Variants in ZNF792 observed in about 807,000 individuals in gnomAD.
The protein encoded by ZNF792 is zinc finger protein 792.
Under a neutral mutation model 13.1 loss-of-function variants are expected in ZNF792, and 14 were observed. The observed-to-expected ratio is 1.07, with a 90% CI of 0.71 to 1.67. The LOEUF (loss-of-function observed/expected upper bound fraction) is 1.67. ZNF792 is among the 40% of genes most tolerant of loss of function. The pLI is 0.00. For missense variants in ZNF792, 740 were observed against 807.9 expected (o/e 0.92, Z 1.02); for synonymous variants, 257 against 292.0 (o/e 0.88, Z 1.22).
Position 34,958,294 on chromosome 19 carries a change from G to A in ZNF792, c.1561C>T (p.Leu521Phe), listed in dbSNP as rs773238016. 1.2e-6 allele frequency: 2 copies of A among 1,613,604 alleles called. No homozygotes were observed. Among genetic ancestry groups the A allele is most frequent in the Admixed American group, 1.7e-5 (1 of 59,986 alleles). ...GTGTGAAGTCTCCGGTGGTTATTGA[G>A]GCTGGAGCTTTGGTTAAAGAATTTC... ...CGKFFNQSSSLNNHRRLHTGE... is the reference protein window; with the variant it reads ...CGKFFNQSSSFNNHRRLHTGE... The change falls in exon 4 of 4, where the codon CTC (leucine) becomes TTC (phenylalanine). Residue 521 changes from leucine to phenylalanine, a missense_variant. Coordinates refer to ENST00000404801, the MANE Select transcript of ZNF792 (RefSeq NM_175872.5).
In ZNF792 at chr19:34,962,813, G is replaced by T. The variant is rs956645039; in HGVS notation, c.33+817C>A. Among the ~76,000 whole-genome samples, 7 of 152,046 alleles carry T rather than the reference G, an allele frequency of 4.6e-5. No individual in the cohort carries two copies. In the South Asian group the frequency reaches 1.5e-3, roughly 32 times the overall value. Reference sequence around the variant, plus strand: ...GCCCACTCTTCAACTCCATTTGGGGGTCTCTGGGACATCACAGGCTCAACT... The same window carrying T: ...GCCCACTCTTCAACTCCATTTGGGGTTCTCTGGGACATCACAGGCTCAACT... On this transcript the variant is annotated intron_variant, in intron 1 of 3. Coordinates refer to ENST00000404801, the MANE Select transcript of ZNF792 (RefSeq NM_175872.5).
intron 1 of ZNF792, among the ~76,000 whole-genome samples, chr19:34,962,115 C>T (rs917018352): frequency 6.6e-6 from 1 of 152,066 alleles, no homozygotes; most frequent in African/African-American, 2.4e-5. Context: ...TCCAGCCCCA[C>T]CTTCCTCTTT....
chr19:34,960,234 C>T lies in ZNF792; in HGVS notation c.283+1G>A. ...CTCCCCTAGCTCCCATCGCTGCTTA[C>T]CAGAGCCAGGCCTGCCATAAGCCCC... On this transcript the variant is annotated splice_donor_variant, in intron 3 of 3. Coordinates refer to ENST00000404801, the MANE Select transcript of ZNF792 (RefSeq NM_175872.5). LOFTEE classifies it high-confidence loss of function. The T allele has an allele frequency of 1.2e-6, 2 of 1,613,546 alleles. No individual in the cohort carries two copies. The highest frequency in any genetic ancestry group is 1.7e-6 in the Non-Finnish European group (2 of 1,179,526).
chr19:34,961,032 C>T, intron 1 of ZNF792, 38 bp from the exon 2 acceptor site: 1 of 1,591,274 alleles, frequency 6.3e-7, no homozygotes, highest in Non-Finnish European at 8.6e-7. Context: ...TGATCAGTCT[C>T]TGTCCTTGGG....
Position 34,958,760 on chromosome 19 carries a change from T to A in ZNF792, c.1095A>T (p.Pro365=). 1.9e-6 allele frequency: 3 copies of A among 1,613,646 alleles called. No homozygotes were observed. The highest frequency in any genetic ancestry group is 2.5e-6 in the Non-Finnish European group (3 of 1,179,870). ...ACTTCCCACAGTCGCTGCACTCATA[T>A]GGCTTTTCACCAGTGTGAACCCTCT... is the stretch of plus-strand genomic sequence containing the variant. ...QHKRVHTGEK[P]YECSDCGKFF... The change falls in exon 4 of 4, where the codon CCA becomes CCT. Residue 365 remains proline, a synonymous_variant. Coordinates refer to ENST00000404801, the MANE Select transcript of ZNF792 (RefSeq NM_175872.5).
chr19:34,962,979 C>T (rs1227373540), intron 1 of ZNF792, among the ~76,000 whole-genome samples: 1 of 152,288 alleles, frequency 6.6e-6, no homozygotes, highest in East Asian at 1.9e-4. Context: ...AAAATTTGGT[C>T]AGCTTGACTT....
chr19:34,960,677 G>A (rs1013604674), intron 2 of ZNF792, 191 bp downstream of exon 2: 23 of 875,834 alleles, frequency 2.6e-5, no homozygotes, highest in Non-Finnish European at 3.5e-5. Context: ...GGCAGCAGGT[G>A]TGGGGGCAGC....
chr19:34,959,140 C>T lies in ZNF792; in HGVS notation c.715G>A (p.Glu239Lys), dbSNP rs776640565. The T allele has an allele frequency of 6.8e-6, 11 of 1,613,690 alleles. No homozygotes were observed. The highest frequency in any genetic ancestry group is 4.4e-5 in the South Asian group (4 of 91,088). ...EVTPSDGEPH[E>K]ATEGVVDFHI... Reference sequence around the variant, plus strand: ...AAATCCACCACACCTTCGGTGGCCTCGTGCGGCTCCCCATCGCTGGGAGTG... The same window carrying T: ...AAATCCACCACACCTTCGGTGGCCTTGTGCGGCTCCCCATCGCTGGGAGTG... The change falls in exon 4 of 4, where the codon GAG becomes AAG. Residue 239 changes from glutamate (E) to lysine (K), a missense_variant. Physicochemically the swap from Glu to Lys is moderately conservative, Grantham distance 56 (BLOSUM62 1). Coordinates refer to ENST00000404801, the MANE Select transcript of ZNF792 (RefSeq NM_175872.5).
Position 34,960,975 on chromosome 19 carries a change from T to C in ZNF792, c.53A>G (p.Asp18Gly). Reference protein sequence around the residue: ...DPAQGCVTFEDVTIYFSQEEW... With the variant: ...DPAQGCVTFEGVTIYFSQEEW... ...CTCCTGGGAGAAGTAAATGGTCACGTCCTCAAAGGTCACGCAGCCCTGCCA... is the reference window on the plus strand; with the variant it reads ...CTCCTGGGAGAAGTAAATGGTCACGCCCTCAAAGGTCACGCAGCCCTGCCA... Residue 18 changes from aspartate (D) to glycine (G), a missense_variant, in exon 2 of 4, where the codon GAC becomes GGC. By Grantham distance (94) the Asp-to-Gly change is moderately conservative. Transcript: ENST00000404801. 6.2e-7 allele frequency: 1 copy of C among 1,613,640 alleles called. No homozygotes were observed. Among genetic ancestry groups the C allele is most frequent in the Non-Finnish European group, 8.5e-7 (1 of 1,179,728 alleles).
Position 34,958,169 on chromosome 19 carries a change from G to GT in ZNF792, c.1685dup (p.Tyr562Ter). The GT allele has an allele frequency of 6.2e-7, 1 of 1,611,830 alleles. No individual in the cohort carries two copies. The highest frequency in any genetic ancestry group is 8.5e-7 in the Non-Finnish European group (1 of 1,178,154). The change falls in exon 4 of 4, where the codon TAC (tyrosine) becomes TAAC (stop). Residue 562 changes from tyrosine to a stop codon, truncating the protein, a stop_gained and frameshift_variant. Coordinates refer to ENST00000404801, the MANE Select transcript of ZNF792 (RefSeq NM_175872.5). LOFTEE classifies it low-confidence loss of function (END_TRUNC). The part of the protein sequence containing the change: ...HLKVHKPDRP[Y>*]ECSECGKAFN... ...AGGCTTTCCCACATTCGCTGCATTC[G>GT]TAAGGCCTGTCTGGTTTGTGAACTT... is the stretch of plus-strand genomic sequence containing the variant.
In ZNF792 at chr19:34,957,208, C is replaced by T. The variant is rs1466505432; in HGVS notation, c.*748G>A. On this transcript the variant is annotated 3_prime_UTR_variant, in exon 4 of 4. Coordinates refer to ENST00000404801, the MANE Select transcript of ZNF792 (RefSeq NM_175872.5). Reference sequence around the variant, plus strand: ...CCCCCTGGGAATAAGGGACCCAATTCATGCTGTTCCCACATGCACTGGAGG... The same window carrying T: ...CCCCCTGGGAATAAGGGACCCAATTTATGCTGTTCCCACATGCACTGGAGG... The T allele has an allele frequency of 6.6e-6, 1 of 152,270 alleles. No homozygotes were observed. The highest frequency in any genetic ancestry group is 2.4e-5 in the African/African-American group (1 of 41,466). 9.4% of individuals were successfully genotyped at this position (152,270 alleles called of 1,614,324 possible).
rs1225653322 is a variant in ZNF792 at position 34,959,209 on chromosome 19, C to T, written c.646G>A (p.Gly216Arg). The T allele has an allele frequency of 6.2e-7, 1 of 1,614,036 alleles. No individual in the cohort carries two copies. Among genetic ancestry groups the T allele is most frequent in the East Asian group, 2.2e-5 (1 of 44,868 alleles). Reference protein sequence around the residue: ...SDQLSTCREGGKDFVATAGFL... With the variant: ...SDQLSTCREGRKDFVATAGFL... ...CCTGCTGTGGCCACAAAGTCCTTCC[C>T]ACCCTCCCTGCAGGTGGAAAGCTGA... Residue 216 changes from glycine to arginine, a missense_variant, in exon 4 of 4, where the codon GGG becomes AGG. Physicochemically the swap from Gly to Arg is moderately radical, Grantham distance 125 (BLOSUM62 -2). Coordinates refer to ENST00000404801, the MANE Select transcript of ZNF792 (RefSeq NM_175872.5).
intron 1 of ZNF792, 66 bp from the exon 2 acceptor site, chr19:34,961,060 T>C: frequency 3.9e-6 from 6 of 1,556,240 alleles, no homozygotes; most frequent in Non-Finnish European, 5.2e-6. Context: ...ATCCATCCCC[T>C]GCTCACTCTC....
At position 34,958,679 on chromosome 19, in the gene ZNF792, A is replaced by G; in HGVS notation, c.1176T>C (p.Ser392=). ...IHHKRVHTGR[S]AHECSECGKS... ...TCCCACATTCACTGCACTCATGGGC[A>G]CTTCTGCCCGTATGAACCCTCTTAT... The change falls in exon 4 of 4, where the codon AGT becomes AGC. Residue 392 remains serine (S), a synonymous_variant. Transcript: ENST00000404801. 1 of 1,614,024 alleles carries G rather than the reference A, an allele frequency of 6.2e-7. No homozygotes were observed. The highest frequency in any genetic ancestry group is 1.1e-5 in the South Asian group (1 of 91,076).
chr19:34,958,602 C>T lies in ZNF792; in HGVS notation c.1253G>A (p.Gly418Glu), dbSNP rs1242794275. The change falls in exon 4 of 4, where the codon GGA becomes GAA. Residue 418 changes from glycine to glutamate, a missense_variant. Gly to Glu is a moderately conservative substitution (Grantham distance 98). Coordinates refer to ENST00000404801, the MANE Select transcript of ZNF792 (RefSeq NM_175872.5). ...TTCGTTACACTTGTAAGGTCTTTCT[C>T]CAGTGTGAACTCTCCAATGTTTAAT... The part of the protein sequence containing the change: ...SLIKHWRVHT[G>E]ERPYKCNECG... 8.1e-6 allele frequency: 13 copies of T among 1,610,074 alleles called. No homozygotes were observed. The highest frequency in any genetic ancestry group is 1.1e-5 in the Non-Finnish European group (13 of 1,177,632).
At chr19:34,962,130 T>TA (rs1159189476) in intron 1 of ZNF792, among the ~76,000 whole-genome samples, 61 of 152,210 alleles carry the variant, frequency 4.0e-4, no homozygotes, top group African/African-American at 1.4e-3. Flanking sequence ...CTCTTTTTTT[T>TA]AACATCATTG....
rs1420332291 is a variant in ZNF792 at position 34,959,463 on chromosome 19, G to A, written c.392C>T (p.Thr131Ile). 1.2e-6 allele frequency: 2 copies of A among 1,613,798 alleles called. No homozygotes were observed. The highest frequency in any genetic ancestry group is 4.5e-5 in the East Asian group (2 of 44,874). Residue 131 changes from threonine (T) to isoleucine (I), a missense_variant, in exon 4 of 4, where the codon ACC (threonine) becomes ATC (isoleucine). By Grantham distance (89) the Thr-to-Ile change is moderately conservative. Transcript: ENST00000404801. ...TAGGCCACATATGTCACAGGGGCAG[G>A]TCTTCTGGGGGCACAGAGTTGCCTC... ...SPEATLCPQK[T>I]CPCDICGLRL...
rs761560581 is a variant in ZNF792, at chr19:34,958,670, C to T, written c.1185G>A (p.Glu395=). ...TGAAAGATTTCCCACATTCACTGCA[C>T]TCATGGGCACTTCTGCCCGTATGAA... ...KRVHTGRSAH[E]CSECGKSFNC... The change falls in exon 4 of 4, where the codon GAG becomes GAA. Residue 395 remains glutamate, a synonymous_variant. Transcript: ENST00000404801. 2.5e-6 allele frequency: 4 copies of T among 1,614,174 alleles called. No individual in the cohort carries two copies. The highest frequency in any genetic ancestry group is 3.4e-6 in the Non-Finnish European group (4 of 1,180,010).
chr19:34,962,319 G>A (rs887246747), intron 1 of ZNF792, among the ~76,000 whole-genome samples: 2 of 152,218 alleles, frequency 1.3e-5, no homozygotes, highest in Non-Finnish European at 2.9e-5. Context: ...AATGCAAGCC[G>A]GGAGTGGGAG....
Sources: gnomAD v4.1 joint callset for allele counts (sites outside exome capture counted in the v4.1 genomes callset) on GRCh38, gnomAD v4.1.1 for gene constraint, MANE v1.5 for transcripts, NCBI Gene and HGNC (gene_info 2026-07-23, HGNC 2026-07-21) for gene names.